XPOT: variants seen among roughly 807,000 people sequenced by gnomAD.
The protein encoded by XPOT is exportin-T.
In XPOT, 34 loss-of-function variants were observed where a neutral mutation model predicts 128.2. The observed-to-expected ratio is 0.27, with a 90% CI of 0.20 to 0.35. The LOEUF (loss-of-function observed/expected upper bound fraction) is 0.35, where lower values mean the gene tolerates loss of function less well. Ranked by LOEUF, XPOT falls within the 10% of genes least tolerant of loss-of-function variation. XPOT has a pLI of 1.00. For missense variants in XPOT, 838 were observed against 1,125.3 expected (o/e 0.74, Z 3.65); for synonymous variants, 348 against 394.3 (o/e 0.88, Z 1.39).
intron 22 of XPOT, among the ~76,000 whole-genome samples, chr12:64,438,506 A>G (rs1490326622): frequency 1.3e-5 from 2 of 152,206 alleles, no homozygotes; most frequent in African/African-American, 4.8e-5. Flanking sequence ...ATGGGTCATT[A>G]AACTGGGACT....
At chr12:64,410,479 T>C (rs2040027580) in intron 2 of XPOT, among the ~76,000 whole-genome samples, 1 of 150,160 alleles carries the variant, frequency 6.7e-6, no homozygotes, top group African/African-American at 2.5e-5. Context: ...ACCTTAATGA[T>C]TTTTTTTTTA....
Position 64,431,603 on chromosome 12 carries a change from T to C in XPOT, c.2042T>C (p.Leu681Pro). ...VKQCGCSEVY[L>P]DCLQTFLPAL... Reference sequence around the variant, plus strand: ...CAATGTGGCTGTTCCGAAGTTTATCTGGACTGTTTACAGACATTCTTGCCA... The same window carrying C: ...CAATGTGGCTGTTCCGAAGTTTATCCGGACTGTTTACAGACATTCTTGCCA... The change falls in exon 18 of 25, where the codon CTG (leucine) becomes CCG (proline). Residue 681 changes from leucine to proline, a missense_variant. Coordinates refer to ENST00000332707, the MANE Select transcript of XPOT (RefSeq NM_007235.6). 1 of 1,613,994 alleles carries C rather than the reference T, an allele frequency of 6.2e-7. No homozygotes were observed. Among genetic ancestry groups the C allele is most frequent in the Non-Finnish European group, 8.5e-7 (1 of 1,179,854 alleles).
chr12:64,407,724 A>G (rs1433723136), intron 1 of XPOT, among the ~76,000 whole-genome samples: 1 of 152,236 alleles, frequency 6.6e-6, no homozygotes, highest in African/African-American at 2.4e-5. Context: ...GAACTGCCAT[A>G]TGGTTCACTA....
chr12:64,428,103 T>G lies in XPOT; in HGVS notation c.1720T>G (p.Leu574Val). The G allele has an allele frequency of 6.4e-7, 1 of 1,572,444 alleles. No homozygotes were observed. Among genetic ancestry groups the G allele is most frequent in the Non-Finnish European group, 8.7e-7 (1 of 1,144,114 alleles). Residue 574 changes from leucine to valine, a missense_variant, in exon 16 of 25, where the codon TTA becomes GTA. This residue lies in a region of XPOT where 761 missense variants were observed against 988.3 expected (regional missense o/e 0.77). Transcript: ENST00000332707. ...EDILNRIQDL[L>V]ELSPPENGHQ... ...TATTTTGAATAGAATACAAGATTTA[T>G]TAGAGCTTTCTCCACCTGTAAGTAT...
At chr12:64,421,899 A>G (rs2040142560) in intron 9 of XPOT, among the ~76,000 whole-genome samples, 1 of 151,914 alleles carries the variant, frequency 6.6e-6, no homozygotes, top group Non-Finnish European at 1.5e-5. Flanking sequence ...CACAACCTCC[A>G]CCTCCCAGGT....
At chr12:64,412,362 T>C (rs2040046340) in intron 2 of XPOT, among the ~76,000 whole-genome samples, 1 of 152,106 alleles carries the variant, frequency 6.6e-6, no homozygotes, top group South Asian at 2.1e-4. Flanking sequence ...GTCTTTGGCT[T>C]AAAACCTGTT....
At position 64,446,349 on chromosome 12, in the gene XPOT, T is replaced by C. The variant is rs74833557; in HGVS notation, c.2862+1218T>C. Among the ~76,000 whole-genome samples the C allele has an allele frequency of 1.5e-3, 230 of 152,336 alleles. 1 individual carries two copies. The highest frequency in any genetic ancestry group is 5.2e-3 in the African/African-American group (217 of 41,586). On this transcript the variant is annotated intron_variant, in intron 24 of 24. Coordinates refer to ENST00000332707, the MANE Select transcript of XPOT (RefSeq NM_007235.6). ...TCTTAGTGATCATAATTCTCAGTGT[T>C]AGCATTATTATTCTAGTTGGAAAAA...
At chr12:64,425,275 A>G in intron 13 of XPOT, 63 bp from the exon 14 acceptor site, 1 of 1,609,862 alleles carries the variant, frequency 6.2e-7, no homozygotes, top group Non-Finnish European at 8.5e-7. Flanking sequence ...GTATATGTTA[A>G]TACCGGGGCA....
At chr12:64,423,130 C>G in intron 10 of XPOT, 52 bp from the exon 11 acceptor site, 2 of 1,589,342 alleles carry the variant, frequency 1.3e-6, no homozygotes, top group Non-Finnish European at 1.7e-6. Flanking sequence ...CAAATTATAT[C>G]AAATTAGAAG....
intron 1 of XPOT, among the ~76,000 whole-genome samples, chr12:64,405,709 C>T (rs1318050153): frequency 6.6e-6 from 1 of 152,160 alleles, no homozygotes; most frequent in Non-Finnish European, 1.5e-5. Context: ...ACCTCTGCCT[C>T]CCAGGTTCAA....
At chr12:64,422,690 G>A (rs2040150140) in intron 9 of XPOT, among the ~76,000 whole-genome samples, 1 of 152,136 alleles carries the variant, frequency 6.6e-6, no homozygotes, top group Non-Finnish European at 1.5e-5. Context: ...TTTGAGGCCA[G>A]GAGTTTGAGA....
rs2040386867 is a variant in XPOT, at chr12:64,448,927, G to T, written c.*796G>T. 1 of 152,120 alleles carries T rather than the reference G, an allele frequency of 6.6e-6. No homozygotes were observed. The highest frequency in any genetic ancestry group is 2.4e-5 in the African/African-American group (1 of 41,420). 9.4% of individuals were successfully genotyped at this position (152,120 alleles called of 1,614,324 possible). On this transcript the variant is annotated 3_prime_UTR_variant, in exon 25 of 25. Transcript: ENST00000332707. ...GAATTTAAAATTCCAGGCCGGGCGT[G>T]GTGGCTCACGACTGTAATCCCAGAA...
intron 18 of XPOT, among the ~76,000 whole-genome samples, chr12:64,432,072 T>C (rs2040244068): frequency 6.6e-6 from 1 of 152,190 alleles, no homozygotes; most frequent in African/African-American, 2.4e-5. Context: ...AAAACTAGTC[T>C]GCTGTTTTAG....
intron 11 of XPOT, among the ~76,000 whole-genome samples, chr12:64,423,594 C>T (rs1395028783): frequency 6.6e-6 from 1 of 152,098 alleles, no homozygotes; most frequent in African/African-American, 2.4e-5. Context: ...GCTGGGATTA[C>T]AGGCATGTGC....
intron 17 of XPOT, 34 bp downstream of exon 17, chr12:64,430,321 A>G (rs757574275): frequency 1.3e-6 from 2 of 1,495,896 alleles, no homozygotes; most frequent in South Asian, 1.3e-5. Context: ...TATAAAGTGC[A>G]TGTATCTACA....
chr12:64,411,441 C>T (rs1302084468), intron 2 of XPOT, among the ~76,000 whole-genome samples: 3 of 152,098 alleles, frequency 2.0e-5, no homozygotes, highest in Non-Finnish European at 4.4e-5. Context: ...TTTTCTTTGC[C>T]TCTTAAGTTC....
intron 1 of XPOT, among the ~76,000 whole-genome samples, chr12:64,405,798 C>A (rs541243518): frequency 2.6e-5 from 4 of 151,998 alleles, no homozygotes; most frequent in African/African-American, 9.7e-5. Context: ...TTGTATTTTT[C>A]GTAGAGATGG....
intron 1 of XPOT, chr12:64,409,695 A>G (rs2040019637): frequency 4.7e-6 from 1 of 214,618 alleles, no homozygotes; most frequent in East Asian, 1.2e-4. Flanking sequence ...ATACGGTGCC[A>G]CTGCACTCCA....
chr12:64,445,733 CTA>C (rs779921776), intron 24 of XPOT, among the ~76,000 whole-genome samples: 2 of 152,158 alleles, frequency 1.3e-5, no homozygotes, highest in African/African-American at 2.4e-5. Context: ...GCAAATACAA[CTA>C]TGAGTAATTT....
Sources: allele counts gnomAD v4.1 joint callset (sites outside exome capture counted in the v4.1 genomes callset), GRCh38; gene constraint gnomAD v4.1.1; regional missense constraint gnomAD v4.1.1; transcripts MANE v1.5; gene names NCBI Gene and HGNC (gene_info 2026-07-23, HGNC 2026-07-21).